DAB1: variants seen among roughly 807,000 people sequenced by gnomAD.
DAB1 encodes disabled homolog 1.
DAB1 carries 15 observed loss-of-function variants against 64.6 expected under a neutral mutation model. The ratio of observed to expected loss-of-function variants is 0.23; its 90% confidence interval spans 0.16 to 0.36. The LOEUF (loss-of-function observed/expected upper bound fraction) is 0.36, where lower values mean the gene tolerates loss of function less well. Among genes scored for constraint, DAB1 ranks in the 10% least tolerant of loss-of-function variants. DAB1 has a pLI of 1.00. For synonymous variants in DAB1, 235 were observed against 251.9 expected (o/e 0.93, Z 0.64); for missense variants, 596 against 706.7 (o/e 0.84, Z 1.78).
At chr1:57,136,784 C>G in intron 3 of DAB1, 143 bp from the exon 4 acceptor site, 1 of 441,784 alleles carries the variant, frequency 2.3e-6, no homozygotes, top group Non-Finnish European at 4.1e-6. Context: ...TTTCTCTACT[C>G]AATGCGGCTC....
chr1:57,328,924 T>A (rs540330688), intron 1 of DAB1, among the ~76,000 whole-genome samples: 1 of 152,328 alleles, frequency 6.6e-6, no homozygotes, highest in East Asian at 1.9e-4. Context: ...ATAAAATTAT[T>A]CGTAGTAGTA....
In DAB1 at chr1:57,694,023, A is replaced by T. The variant is rs1646795196; in HGVS notation, n.552-44358T>A. On this transcript the variant is annotated intron_variant and non_coding_transcript_variant, in intron 6 of 20. Transcript: ENST00000485760. The stretch of plus-strand genomic sequence containing the variant: ...TGTGCTTGTGAGATATTACTCAAAA[A>T]TTTTTGCCCAGATCAATGTCCTGGA... 2.0e-5 allele frequency among the ~76,000 whole-genome samples: 3 copies of T among 152,120 alleles called. No homozygotes were observed. In the South Asian group the frequency reaches 6.2e-4, roughly 31 times the overall value.
chr1:58,453,724 C>T (rs1645163390), intron 3 of DAB1, among the ~76,000 whole-genome samples: 1 of 152,218 alleles, frequency 6.6e-6, no homozygotes, highest in South Asian at 2.1e-4. Context: ...GTTCTGTTTC[C>T]ACCAAGATTC....
intron 2 of DAB1, among the ~76,000 whole-genome samples, chr1:57,207,286 T>G (rs550186391): frequency 1.4e-3 from 212 of 151,564 alleles, no homozygotes; most frequent in Non-Finnish European, 2.5e-3. Context: ...ATTTTCATTA[T>G]TAACAAATAG....
intron 2 of DAB1, among the ~76,000 whole-genome samples, chr1:57,235,636 G>A (rs1190245496): frequency 2.0e-5 from 3 of 151,626 alleles, no homozygotes; most frequent in Admixed American, 2.0e-4. Context: ...CCCTGGTTAA[G>A]TGAGAACAGA....
chr1:58,071,820 G>C (rs892396689), intron 5 of DAB1, among the ~76,000 whole-genome samples: 1 of 151,994 alleles, frequency 6.6e-6, no homozygotes, highest in Non-Finnish European at 1.5e-5. Context: ...TTTTCTAATT[G>C]ACAATTGATT....
At chr1:57,693,509 G>A (rs1646788963) in intron 6 of DAB1, among the ~76,000 whole-genome samples, 1 of 152,168 alleles carries the variant, frequency 6.6e-6, no homozygotes, top group Admixed American at 6.5e-5. Context: ...TCAGCACTCT[G>A]TAAAATGGAC....
At chr1:57,642,711 G>A (rs1389202935) in intron 7 of DAB1, among the ~76,000 whole-genome samples, 1 of 152,178 alleles carries the variant, frequency 6.6e-6, no homozygotes, top group Admixed American at 6.5e-5. Context: ...ATCCTGTTCT[G>A]TTGCTTCCTT....
intron 5 of DAB1, among the ~76,000 whole-genome samples, chr1:57,998,595 C>A (rs1646463100): frequency 6.6e-6 from 1 of 152,128 alleles, no homozygotes; most frequent in African/African-American, 2.4e-5. Context: ...AACTTCCGAC[C>A]TCAGGTGATC....
chr1:57,869,642 C>G (rs1438667385), intron 1 of DAB1, among the ~76,000 whole-genome samples: 1 of 152,128 alleles, frequency 6.6e-6, no homozygotes, highest in East Asian at 1.9e-4. Context: ...CTAACTACCA[C>G]AGACCACACT....
At chr1:57,905,479 T>C (rs1348031954) in intron 5 of DAB1, among the ~76,000 whole-genome samples, 1 of 152,082 alleles carries the variant, frequency 6.6e-6, no homozygotes, top group Admixed American at 6.6e-5. Context: ...AATATTTGAC[T>C]TCAAGTGGAT....
At chr1:58,102,218 A>T (rs1651363646) in intron 5 of DAB1, among the ~76,000 whole-genome samples, 1 of 152,078 alleles carries the variant, frequency 6.6e-6, no homozygotes, top group African/African-American at 2.4e-5. Flanking sequence ...TTGACCCACA[A>T]CTCTGTCCCG....
chr1:57,565,202 C>G (rs146784797), intron 7 of DAB1, among the ~76,000 whole-genome samples: 142 of 152,204 alleles, frequency 9.3e-4, no homozygotes, highest in African/African-American at 3.4e-3. Flanking sequence ...GAAATAAAAT[C>G]CTTTCCAGAC....
intron 2 of DAB1, among the ~76,000 whole-genome samples, chr1:57,219,412 GT>G (rs2100373760): frequency 6.6e-6 from 1 of 152,140 alleles, no homozygotes; most frequent in South Asian, 2.1e-4. Flanking sequence ...ACCAGTTCAG[GT>G]TAGGCAAATT....
intron 1 of DAB1, among the ~76,000 whole-genome samples, chr1:58,539,765 C>T (rs1209860934): frequency 6.6e-6 from 1 of 152,170 alleles, no homozygotes; most frequent in East Asian, 1.9e-4. Context: ...CAGAGCCCTA[C>T]AACTGTCCTA....
chr1:58,513,493 A>C (rs902551437), intron 2 of DAB1, among the ~76,000 whole-genome samples: 2 of 152,218 alleles, frequency 1.3e-5, no homozygotes, highest in African/African-American at 4.8e-5. Context: ...ACACGAAGAA[A>C]GAATTAGACT....
chr1:57,967,270 T>C (rs1313505025), intron 5 of DAB1, among the ~76,000 whole-genome samples: 1 of 152,176 alleles, frequency 6.6e-6, no homozygotes, highest in African/African-American at 2.4e-5. Flanking sequence ...CCTTTCCTTA[T>C]GGGTAGTTAC....
intron 2 of DAB1, among the ~76,000 whole-genome samples, chr1:57,274,534 T>A (rs1671303004): frequency 6.6e-6 from 1 of 152,234 alleles, no homozygotes; most frequent in Non-Finnish European, 1.5e-5. Flanking sequence ...GGTTTTTTCA[T>A]GCAGATTAAC....
rs558830340 is a variant in DAB1 at position 57,955,229 on chromosome 1, AT to A, written n.388-71068del. 2.0e-5 allele frequency among the ~76,000 whole-genome samples: 3 copies of A among 152,288 alleles called. No homozygotes were observed. The South Asian group carries it at 6.2e-4, about 32-fold the overall frequency. The stretch of plus-strand genomic sequence containing the variant: ...TGATGTGCCATGAACCTTGAGGCTC[AT>A]GGCAGGTCTCCTCCCTCCTGATTAA... On this transcript the variant is annotated intron_variant and non_coding_transcript_variant, in intron 5 of 20. Coordinates refer to the DAB1 transcript ENST00000485760.
Sources: gnomAD v4.1 joint callset for allele counts (sites outside exome capture counted in the v4.1 genomes callset) on GRCh38, gnomAD v4.1.1 for gene constraint, MANE v1.5 for transcripts, NCBI Gene and HGNC (gene_info 2026-07-23, HGNC 2026-07-21) for gene names.